Variants in BCL2L1 observed in about 807,000 individuals in gnomAD.
The protein encoded by BCL2L1 is bcl-2-like protein 1.
A neutral mutation model predicts 18.7 loss-of-function variants in BCL2L1; 1 was observed. The observed-to-expected ratio is 0.05, with a 90% CI of 0.02 to 0.25. BCL2L1 has a LOEUF of 0.25. BCL2L1 is among the 10% of genes least tolerant of loss of function. The probability of loss-of-function intolerance (pLI) is 1.00; values close to 1 mark genes in which losing one functional copy is unlikely to be tolerated. For synonymous variants in BCL2L1, 103 were observed against 122.7 expected (o/e 0.84, Z 1.06); for missense variants, 207 against 304.9 (o/e 0.68, Z 2.39).
At chr20:31,713,433 C>G in intron 2 of BCL2L1, 1 of 985,332 alleles carries the variant, frequency 1.0e-6, no homozygotes, top group East Asian at 1.1e-4. Context: ...TTTCCAGTTT[C>G]CACACTCTTG....
intron 2 of BCL2L1, among the ~76,000 whole-genome samples, chr20:31,685,328 A>G (rs2060937827): frequency 1.3e-5 from 2 of 151,482 alleles, no homozygotes; most frequent in South Asian, 4.2e-4. Flanking sequence ...TGAACCCAGG[A>G]GGCGGAGCTT....
chr20:31,678,693 G>A (rs956600461), intron 2 of BCL2L1, among the ~76,000 whole-genome samples: 2 of 152,196 alleles, frequency 1.3e-5, no homozygotes, highest in African/African-American at 4.8e-5. Context: ...TCTATGACCA[G>A]GCAGACTCCT....
intron 2 of BCL2L1, among the ~76,000 whole-genome samples, chr20:31,717,543 A>G (rs752703241): frequency 6.6e-6 from 1 of 152,232 alleles, no homozygotes; most frequent in Non-Finnish European, 1.5e-5. Flanking sequence ...TAGGTGTTTC[A>G]AGGGGGAGCC....
chr20:31,722,378 T>C, intron 1 of BCL2L1, 30 bp from the exon 2 acceptor site: 1 of 513,356 alleles, frequency 1.9e-6, no homozygotes, highest in Admixed American at 3.8e-5. Context: ...TTAATATGCA[T>C]GCCATTTACC....
At chr20:31,712,548 A>G (rs1169515204) in intron 2 of BCL2L1, among the ~76,000 whole-genome samples, 1 of 152,228 alleles carries the variant, frequency 6.6e-6, no homozygotes, top group African/African-American at 2.4e-5. Context: ...TTATCCTGGG[A>G]CATGGGTGTC....
chr20:31,671,756 G>A (rs2060671446), intron 2 of BCL2L1, among the ~76,000 whole-genome samples: 1 of 151,772 alleles, frequency 6.6e-6, no homozygotes, highest in Non-Finnish European at 1.5e-5. Context: ...TCTCCACAGG[G>A]CCACAGCACA....
chr20:31,703,990 G>T (rs1234933890), intron 2 of BCL2L1, among the ~76,000 whole-genome samples: 1 of 150,794 alleles, frequency 6.6e-6, no homozygotes, highest in African/African-American at 2.4e-5. Context: ...TAGAGACGGG[G>T]TTTCGCCATA....
intron 2 of BCL2L1, among the ~76,000 whole-genome samples, chr20:31,683,769 C>CA (rs372160646): frequency 7.4e-5 from 6 of 80,710 alleles, no homozygotes; most frequent in African/African-American, 9.7e-5. Context: ...AACTCCATCT[C>CA]AAAAAAAAAA....
chr20:31,693,701 T>C (rs1390745727), intron 2 of BCL2L1, among the ~76,000 whole-genome samples: 1 of 151,886 alleles, frequency 6.6e-6, no homozygotes, highest in Non-Finnish European at 1.5e-5. Flanking sequence ...CAGCTATTTT[T>C]TAATTTTAGT....
chr20:31,688,103 A>G (rs6058381), intron 2 of BCL2L1, among the ~76,000 whole-genome samples: 11,757 of 152,202 alleles, frequency 0.077, 463 homozygotes, highest in Middle Eastern at 0.11. Context: ...TTGATACATG[A>G]AAGTGTTTAT....
chr20:31,715,651 A>C (rs1320790770), intron 2 of BCL2L1, among the ~76,000 whole-genome samples: 1 of 152,164 alleles, frequency 6.6e-6, no homozygotes, highest in Non-Finnish European at 1.5e-5. Flanking sequence ...ATGCCACCCC[A>C]AAAATATACT....
intron 2 of BCL2L1, among the ~76,000 whole-genome samples, chr20:31,688,530 C>T (rs1296515997): frequency 6.6e-6 from 1 of 151,836 alleles, no homozygotes; most frequent in African/African-American, 2.4e-5. Context: ...CCAAACTCTC[C>T]ACTTGGGTGG....
At chr20:31,686,494 T>C (rs934471928) in intron 2 of BCL2L1, 24 of 152,366 alleles carry the variant, frequency 1.6e-4, no homozygotes, top group Admixed American at 3.3e-4. Flanking sequence ...TCCTATGCTA[T>C]TATTTTATGA....
chr20:31,669,443 C>G (rs2060633302), intron 2 of BCL2L1, among the ~76,000 whole-genome samples: 1 of 148,062 alleles, frequency 6.8e-6, no homozygotes, highest in African/African-American at 2.6e-5. Context: ...GATGTGTCTT[C>G]CATACTAGAT....
chr20:31,720,147 C>T, intron 2 of BCL2L1: 1 of 985,406 alleles, frequency 1.0e-6, no homozygotes, highest in Non-Finnish European at 1.2e-6. Flanking sequence ...GTTATCTGAC[C>T]TCTATTGACT....
rs548660054 is a variant in BCL2L1, at chr20:31,706,675, C to T, written c.564+14980G>A. On this transcript the variant is annotated intron_variant, in intron 2 of 2. Coordinates refer to ENST00000307677, the MANE Select transcript of BCL2L1 (RefSeq NM_138578.3). ...AAGTAACTTGTCCAAATTCATGAAGCCAGTTAAGTGATAAGATATTGCTTC... is the reference window on the plus strand; with the variant it reads ...AAGTAACTTGTCCAAATTCATGAAGTCAGTTAAGTGATAAGATATTGCTTC... Among the ~76,000 whole-genome samples, 6 of 152,310 alleles carry T rather than the reference C, an allele frequency of 3.9e-5. No individual in the cohort carries two copies. In the South Asian group the frequency reaches 8.3e-4, roughly 21 times the overall value.
intron 2 of BCL2L1, among the ~76,000 whole-genome samples, chr20:31,710,161 G>A (rs541843403): frequency 6.6e-6 from 1 of 152,304 alleles, no homozygotes; most frequent in African/African-American, 2.4e-5. Context: ...CAAGCACTCT[G>A]CTAGATGCTG....
upstream of BCL2L1, chr20:31,723,766 TC>T: frequency 1.0e-6 from 1 of 985,284 alleles, no homozygotes; most frequent in Non-Finnish European, 1.2e-6. Flanking sequence ...GGGGGCCACA[TC>T]CCCCTTCATC....
chr20:31,704,968 T>A (rs1327595781), intron 2 of BCL2L1, among the ~76,000 whole-genome samples: 1 of 152,192 alleles, frequency 6.6e-6, no homozygotes, highest in Non-Finnish European at 1.5e-5. Context: ...GGGTTTCTAG[T>A]CTTCACTGAG....
Sources: gnomAD v4.1 joint callset for allele counts (sites outside exome capture counted in the v4.1 genomes callset) on GRCh38, gnomAD v4.1.1 for gene constraint, MANE v1.5 for transcripts, NCBI Gene and HGNC (gene_info 2026-07-23, HGNC 2026-07-21) for gene names.